CFAP47: variants seen among roughly 807,000 people sequenced by gnomAD.
CFAP47 encodes the protein cilia and flagella associated protein 47, also known as cilia- and flagella-associated protein 47.
Under a neutral mutation model 148.1 loss-of-function variants are expected in CFAP47, and 29 were observed. The observed-to-expected ratio is 0.20, with a 90% CI of 0.15 to 0.27. The LOEUF (loss-of-function observed/expected upper bound fraction) is 0.27. CFAP47 is among the 10% of genes least tolerant of loss of function. CFAP47 has a pLI of 1.00. For missense variants in CFAP47, 1,872 were observed against 1,697.5 expected (o/e 1.10, Z -1.81); for synonymous variants, 664 against 577.3 (o/e 1.15, Z -2.15).
At chrX:36,283,637 A>G (rs1441645692) in intron 50 of CFAP47, among the ~76,000 whole-genome samples, 1 of 112,020 alleles carries the variant, frequency 8.9e-6, no homozygotes, top group Non-Finnish European at 1.9e-5. Flanking sequence ...AACCTTAGTA[A>G]AATAAAATCT....
chrX:36,207,012 G>A (rs1265388278), intron 45 of CFAP47, among the ~76,000 whole-genome samples: 1 of 111,862 alleles, frequency 8.9e-6, no homozygotes, highest in Non-Finnish European at 1.9e-5. Context: ...AGTTTAAGAA[G>A]AAAGATATTA....
chrX:35,924,238 T>G (rs1041884991), intron 1 of CFAP47, among the ~76,000 whole-genome samples: 6 of 90,820 alleles, frequency 6.6e-5, no homozygotes, highest in Non-Finnish European at 1.0e-4. Context: ...TATATGGACA[T>G]GTATGTGTGC....
intron 30 of CFAP47, among the ~76,000 whole-genome samples, chrX:36,088,818 A>C (rs766742809): frequency 1.8e-5 from 2 of 111,798 alleles, no homozygotes; most frequent in South Asian, 7.4e-4. Flanking sequence ...AAAATAATAA[A>C]ATTTTTAAAA....
At chrX:36,005,573 C>T (rs1054194585) in intron 21 of CFAP47, among the ~76,000 whole-genome samples, 3 of 111,418 alleles carry the variant, frequency 2.7e-5, no homozygotes, top group African/African-American at 9.8e-5. Flanking sequence ...AAATTTATTG[C>T]AGCTTGTTTC....
chrX:35,920,124 G>A (rs1935555389), intron 1 of CFAP47, 76 bp downstream of exon 1: 1 of 1,068,834 alleles, frequency 9.4e-7, no homozygotes, highest in South Asian at 2.7e-5. Context: ...TTGCCCCAGG[G>A]AGTAGTCATC....
intron 49 of CFAP47, among the ~76,000 whole-genome samples, chrX:36,265,249 G>A (rs782741118): frequency 1.4e-4 from 16 of 111,862 alleles, no homozygotes; most frequent in African/African-American, 4.2e-4. Context: ...TTTTTTGTGG[G>A]TTGATTTTGT....
intron 63 of CFAP47, among the ~76,000 whole-genome samples, chrX:36,382,100 C>G (rs782355890): frequency 3.6e-5 from 4 of 110,799 alleles, no homozygotes; most frequent in African/African-American, 1.3e-4. Context: ...ACCATATTTG[C>G]TATGTGATCT....
intron 39 of CFAP47, among the ~76,000 whole-genome samples, chrX:36,177,376 A>G (rs1939697147): frequency 8.9e-6 from 1 of 112,121 alleles, no homozygotes; most frequent in Non-Finnish European, 1.9e-5. Context: ...TATCACCAAA[A>G]TAAATTTCTC....
chrX:36,331,025 T>C (rs1247402331), intron 57 of CFAP47, among the ~76,000 whole-genome samples: 1 of 111,575 alleles, frequency 9.0e-6, no homozygotes, highest in East Asian at 2.8e-4. Context: ...CGAATCAAAA[T>C]TCCTAGAAAG....
intron 20 of CFAP47, 126 bp downstream of exon 20, chrX:36,000,553 A>G: frequency 3.8e-6 from 1 of 262,944 alleles, no homozygotes; most frequent in Non-Finnish European, 6.7e-6. Context: ...TGACCACTGC[A>G]TGTTTTTCTT....
chrX:35,929,412 A>G (rs73466960), intron 2 of CFAP47, among the ~76,000 whole-genome samples: 4,384 of 111,655 alleles, frequency 0.039, 205 homozygotes, highest in African/African-American at 0.13. Context: ...CTTTGGAGTG[A>G]TTGCAAATAA....
At chrX:36,371,848 A>G (rs782008572) in intron 62 of CFAP47, among the ~76,000 whole-genome samples, 12 of 73,306 alleles carry the variant, frequency 1.6e-4, no homozygotes, top group South Asian at 7.6e-4. Context: ...ATATGTGTGT[A>G]TATATGTGTG....
In CFAP47 at chrX:36,067,899, C is replaced by G. The variant is rs368599260; in HGVS notation, c.4318+2156C>G. Among the ~76,000 whole-genome samples, 68 of 111,033 alleles carry G rather than the reference C, an allele frequency of 6.1e-4. No individual in the cohort carries two copies. The East Asian group carries it at 0.014, about 22-fold the overall frequency. ...ATCTCCTGACCTCGTGATCCGCCCA[C>G]CTCGGCCTCCCAAAGTGCTGGGATT... On this transcript the variant is annotated intron_variant, in intron 27 of 63. Transcript: ENST00000378653.
rs191782162 is a variant in CFAP47, at chrX:36,257,827, G to A, written c.7444+6383G>A. Among the ~76,000 whole-genome samples the A allele has an allele frequency of 3.6e-5, 4 of 111,649 alleles. No homozygotes were observed. In the East Asian group the frequency reaches 1.1e-3, roughly 31 times the overall value. ...CTCAGTTCACTGTAGTCACCAAGGT[G>A]CTTTAAATATTTTTACTCCATACTA... On this transcript the variant is annotated intron_variant, in intron 49 of 63. Transcript: ENST00000378653.
rs112050384 is a variant in CFAP47, at chrX:35,953,649, C to T, written c.1104C>T (p.Leu368=). 1,669 of 1,196,993 alleles carry T rather than the reference C, an allele frequency of 1.4e-3. 14 individuals carry two copies. In the African/African-American group the frequency reaches 0.025, roughly 18 times the overall value. The change falls in exon 7 of 64, where the codon CTC becomes CTT. Residue 368 remains leucine (L), a synonymous_variant. Transcript: ENST00000378653. ...CTTCATACAGACAGGACTATGCTCTCTTTTTGAGATTTGAGTCCGTAGGAA... is the reference window on the plus strand; with the variant it reads ...CTTCATACAGACAGGACTATGCTCTTTTTTTGAGATTTGAGTCCGTAGGAA... ...IGPSYRQDYA[L]FLRFESVGSK...
chrX:36,347,888 A>G (rs1252266558), intron 57 of CFAP47, among the ~76,000 whole-genome samples: 1 of 111,387 alleles, frequency 9.0e-6, no homozygotes, highest in Non-Finnish European at 1.9e-5. Context: ...ATGTAACAAA[A>G]CTGCACGTTC....
chrX:36,092,009 A>C (rs1399004075), intron 30 of CFAP47, among the ~76,000 whole-genome samples: 1 of 111,115 alleles, frequency 9.0e-6, no homozygotes, highest in Non-Finnish European at 1.9e-5. Context: ...TTTGCCACAA[A>C]ATACTAGATT....
chrX:35,984,080 C>A (rs72628187), intron 15 of CFAP47, among the ~76,000 whole-genome samples: 1 of 111,148 alleles, frequency 9.0e-6, no homozygotes, highest in East Asian at 2.8e-4. Flanking sequence ...GGCTGTAAAT[C>A]TTTTTGGTTC....
chrX:36,064,304 T>A (rs753952505), intron 26 of CFAP47, among the ~76,000 whole-genome samples: 1 of 111,784 alleles, frequency 8.9e-6, no homozygotes, highest in East Asian at 2.8e-4. Context: ...TGAAATGTAA[T>A]CCTGAATAAG....
Sources: allele counts gnomAD v4.1 joint callset (sites outside exome capture counted in the v4.1 genomes callset), GRCh38; gene constraint gnomAD v4.1.1; transcripts MANE v1.5; gene names NCBI Gene and HGNC (gene_info 2026-07-23, HGNC 2026-07-21).